HSD17B3: variants seen among roughly 807,000 people sequenced by gnomAD.
HSD17B3 encodes the protein 17-beta-hydroxysteroid dehydrogenase type 3.
HSD17B3 carries 29 observed loss-of-function variants against 41.1 expected under a neutral mutation model. That is an observed-to-expected ratio of 0.71 (90% CI 0.53 to 0.96). HSD17B3 has a LOEUF of 0.96. HSD17B3 is among the 40% of genes least tolerant of loss of function. HSD17B3 has a pLI of 0.00. For missense variants in HSD17B3, 323 were observed against 374.6 expected, an observed-to-expected ratio of 0.86 and a Z score of 1.14; for synonymous variants, 126 against 145.6, an observed-to-expected ratio of 0.87 and a Z score of 0.97.
chr9:96,254,841 A>G, intron 3 of HSD17B3, 27 bp downstream of exon 3: 1 of 1,599,886 alleles, frequency 6.3e-7, no homozygotes, highest in East Asian at 2.2e-5. Flanking sequence ...CTCCACACAC[A>G]TCTCCCTTAT....
intron 9 of HSD17B3, 126 bp from the exon 10 acceptor site, chr9:96,241,033 T>A (rs1836421421): frequency 8.5e-7 from 1 of 1,172,940 alleles, no homozygotes; most frequent in East Asian, 2.4e-5. Context: ...AGTTTTAAGA[T>A]CTTGAGTGGA....
At chr9:96,297,398 G>A (rs796483593) in intron 2 of HSD17B3, among the ~76,000 whole-genome samples, 4 of 129,122 alleles carry the variant, frequency 3.1e-5, no homozygotes, top group East Asian at 2.3e-4. Context: ...CCAGGCTGGC[G>A]TGCAATGGTG....
intron 9 of HSD17B3, among the ~76,000 whole-genome samples, chr9:96,242,082 A>G (rs572310246): frequency 2.0e-5 from 3 of 152,178 alleles, no homozygotes; most frequent in Admixed American, 1.3e-4. Context: ...TCTTCACATC[A>G]CATTTGGAAT....
intron 6 of HSD17B3, among the ~76,000 whole-genome samples, 171 bp from the exon 7 acceptor site, chr9:96,246,761 T>C (rs1048490141): frequency 1.3e-5 from 2 of 152,020 alleles, no homozygotes; most frequent in Non-Finnish European, 2.9e-5. Flanking sequence ...CACATTAGAG[T>C]CTGCCTGGAA....
In HSD17B3 at chr9:96,302,134, G is replaced by A. The variant is rs771557138; in HGVS notation, c.-30C>T. On this transcript the variant is annotated 5_prime_UTR_variant, in exon 1 of 11. Coordinates refer to ENST00000375263, the MANE Select transcript of HSD17B3 (RefSeq NM_000197.2). ...GCACTCAACAGACTGTTTCAGCCCT[G>A]GCCGTGGCTCTCTGTGTATGCCTCC... The A allele has an allele frequency of 2.5e-6, 4 of 1,611,544 alleles. No individual in the cohort carries two copies. In the South Asian group the frequency reaches 4.4e-5, roughly 18 times the overall value.
chr9:96,280,916 A>G (rs1826666644), intron 2 of HSD17B3, among the ~76,000 whole-genome samples: 2 of 152,208 alleles, frequency 1.3e-5, no homozygotes, highest in African/African-American at 2.4e-5. Flanking sequence ...AATGTCAGGA[A>G]GTTATCCTAT....
At chr9:96,293,158 C>T (rs992007930) in intron 2 of HSD17B3, among the ~76,000 whole-genome samples, 1 of 152,168 alleles carries the variant, frequency 6.6e-6, no homozygotes, top group South Asian at 2.1e-4. Context: ...TTCTCTGTAG[C>T]GGTGAACATT....
At chr9:96,240,619 C>A in intron 10 of HSD17B3, 139 bp downstream of exon 10, 1 of 892,234 alleles carries the variant, frequency 1.1e-6, no homozygotes. Flanking sequence ...CTCTCCACCT[C>A]GCCACATAGT....
intron 2 of HSD17B3, among the ~76,000 whole-genome samples, chr9:96,270,706 CCTGT>C (rs1826207751): frequency 6.6e-6 from 1 of 152,202 alleles, no homozygotes; most frequent in Non-Finnish European, 1.5e-5. Context: ...TTCTGACTGC[CCTGT>C]CTGTCACACT....
intron 2 of HSD17B3, among the ~76,000 whole-genome samples, chr9:96,264,397 AT>A (rs1259210962): frequency 6.6e-6 from 1 of 152,352 alleles, no homozygotes; most frequent in East Asian, 1.9e-4. Context: ...TAATAACTCA[AT>A]CCTCTATGTC....
intron 6 of HSD17B3, among the ~76,000 whole-genome samples, chr9:96,249,153 T>G (rs1354596576): frequency 6.6e-6 from 1 of 152,146 alleles, no homozygotes; most frequent in South Asian, 2.1e-4. Flanking sequence ...GTGATCTACC[T>G]CGGCCTCCCA....
At chr9:96,251,286 T>C in intron 5 of HSD17B3, 132 bp downstream of exon 5, 1 of 725,386 alleles carries the variant, frequency 1.4e-6, no homozygotes, top group Non-Finnish European at 2.5e-6. Context: ...AAAGGGGGCC[T>C]CAATACATAC....
chr9:96,244,308 C>G, intron 9 of HSD17B3, 21 bp downstream of exon 9: 1 of 1,613,206 alleles, frequency 6.2e-7, no homozygotes, highest in Non-Finnish European at 8.5e-7. Flanking sequence ...ATGACAAGGA[C>G]TCCACAGCTG....
chr9:96,255,388 T>C lies in HSD17B3; in HGVS notation c.202-445A>G, dbSNP rs1376242042. Among the ~76,000 whole-genome samples the C allele has an allele frequency of 2.7e-4, 32 of 118,572 alleles. 2 individuals carry two copies. Among genetic ancestry groups the C allele is most frequent in the African/African-American group, 9.9e-4 (31 of 31,158 alleles). The allele number at this position is 118,572 out of a possible 152,430, so 77.8% of individuals were successfully genotyped here. ...ATTTCTTTTTTTTTTTTTTTTTTTT[T>C]TTTTTTTTTTTTTTTTTTTGCAATA... On this transcript the variant is annotated intron_variant, in intron 2 of 10. Transcript: ENST00000375263.
intron 2 of HSD17B3, among the ~76,000 whole-genome samples, chr9:96,269,312 A>G (rs898438126): frequency 1.3e-5 from 2 of 152,230 alleles, no homozygotes; most frequent in Admixed American, 6.5e-5. Flanking sequence ...TTTGTGCCAC[A>G]TGAGTATATT....
intron 7 of HSD17B3, 94 bp downstream of exon 7, chr9:96,246,462 A>C: frequency 9.2e-7 from 1 of 1,085,926 alleles, no homozygotes; most frequent in Non-Finnish European, 1.4e-6. Context: ...GTTAAAGCAC[A>C]GCCAGATGGA....
At position 96,238,690 on chromosome 9, in the gene HSD17B3, T is replaced by C. The variant is rs75139562; in HGVS notation, c.822+2068A>G. Among the ~76,000 whole-genome samples the C allele has an allele frequency of 9.6e-3, 1,458 of 152,138 alleles. 13 individuals carry two copies. Among genetic ancestry groups the C allele is most frequent in the Non-Finnish European group, 0.016 (1,066 of 67,970 alleles). ...AAAAAGATCTGTAATTTTTCTTTCC[T>C]GGAGATAGTGGGAAGTGGGAGGAGA... On this transcript the variant is annotated intron_variant, in intron 10 of 10. Transcript: ENST00000375263.
rs1407206911 is a variant in HSD17B3, at chr9:96,294,771, GA to G, written c.201+3644del. ...TTCCTTCTGATTTGGGGGAATGGAA[GA>G]CACATTGTTTTGAAAAGTGACTGCT... is the stretch of plus-strand genomic sequence containing the variant. On this transcript the variant is annotated intron_variant, in intron 2 of 10. Coordinates refer to ENST00000375263, the MANE Select transcript of HSD17B3 (RefSeq NM_000197.2). Among the ~76,000 whole-genome samples, 6 of 152,276 alleles carry G rather than the reference GA, an allele frequency of 3.9e-5. No individual in the cohort carries two copies. In the East Asian group the frequency reaches 1.2e-3, roughly 29 times the overall value.
At chr9:96,295,916 G>A (rs1287506112) in intron 2 of HSD17B3, among the ~76,000 whole-genome samples, 1 of 152,104 alleles carries the variant, frequency 6.6e-6, no homozygotes, top group African/African-American at 2.4e-5. Context: ...ATCAGGTCAT[G>A]AGAGTGGGGC....
Sources: allele counts gnomAD v4.1 joint callset (sites outside exome capture counted in the v4.1 genomes callset), GRCh38; gene constraint gnomAD v4.1.1; transcripts MANE v1.5; gene names NCBI Gene and HGNC (gene_info 2026-07-23, HGNC 2026-07-21).